The following FLT1 variants were observed in gnomAD, a reference collection of about 807,000 sequenced individuals.
FLT1 encodes the protein fms related receptor tyrosine kinase 1.
FLT1 carries 49 observed loss-of-function variants against 156.3 expected under a neutral mutation model. The ratio of observed to expected loss-of-function variants is 0.31; its 90% CI spans 0.25 to 0.40. The LOEUF (loss-of-function observed/expected upper bound fraction) is 0.40, where lower values mean the gene tolerates loss of function less well. FLT1 is among the 10% of genes least tolerant of loss of function. FLT1 has a pLI of 1.00. For synonymous variants in FLT1, 594 were observed against 583.8 expected (o/e 1.02, Z -0.25); for missense variants, 1,322 against 1,637.2 (o/e 0.81, Z 3.32).
At chr13:28,314,741 C>G (rs530107292) in intron 25 of FLT1, among the ~76,000 whole-genome samples, 1 of 152,166 alleles carries the variant, frequency 6.6e-6, no homozygotes, top group Non-Finnish European at 1.5e-5. Context: ...CTTTCACATG[C>G]TGGAGAAAAT....
chr13:28,318,559 G>A lies in FLT1; in HGVS notation c.3286+864C>T, dbSNP rs75138452. Reference sequence around the variant, plus strand: ...ACTGCTGGTAGGAAGCAGCTGGGAGGCGTGCAGTGCTGGCACCGTGTCATC... The same window carrying A: ...ACTGCTGGTAGGAAGCAGCTGGGAGACGTGCAGTGCTGGCACCGTGTCATC... On this transcript the variant is annotated intron_variant, in intron 24 of 29. Transcript: ENST00000282397. Among the ~76,000 whole-genome samples, 1,353 of 152,310 alleles carry A rather than the reference G, an allele frequency of 8.9e-3. 20 individuals are homozygous for A. The highest frequency in any genetic ancestry group is 0.029 in the African/African-American group (1,203 of 41,572).
At chr13:28,367,006 A>T (rs561674768) in intron 14 of FLT1, among the ~76,000 whole-genome samples, 38 of 152,356 alleles carry the variant, frequency 2.5e-4, no homozygotes, top group Non-Finnish European at 4.9e-4. Flanking sequence ...GACCACATAA[A>T]TGAAGACAAT....
At chr13:28,468,792 GC>G (rs1413096956) in intron 1 of FLT1, among the ~76,000 whole-genome samples, 1 of 152,196 alleles carries the variant, frequency 6.6e-6, no homozygotes, top group Non-Finnish European at 1.5e-5. Context: ...TGGAAGGCAA[GC>G]AGATGCTAGC....
chr13:28,303,152 G>T lies in FLT1; in HGVS notation c.*15C>A. 1 of 1,604,656 alleles carries T rather than the reference G, an allele frequency of 6.2e-7. No individual in the cohort carries two copies. The highest frequency in any genetic ancestry group is 8.5e-7 in the Non-Finnish European group (1 of 1,178,202). The stretch of plus-strand genomic sequence containing the variant: ...ATACACATGTGCTTCTAGAAATAAG[G>T]CTTCGTGTCAAACTCTAGATGGGTG... On this transcript the variant is annotated 3_prime_UTR_variant, in exon 30 of 30. Coordinates refer to ENST00000282397, the MANE Select transcript of FLT1 (RefSeq NM_002019.4).
chr13:28,440,981 T>G (rs577953174), intron 3 of FLT1, among the ~76,000 whole-genome samples: 2 of 152,170 alleles, frequency 1.3e-5, no homozygotes, highest in South Asian at 4.1e-4. Flanking sequence ...GTTATTAAAC[T>G]GTCTTTCTAA....
At chr13:28,317,164 C>T (rs1417059145) in intron 25 of FLT1, among the ~76,000 whole-genome samples, 1 of 152,212 alleles carries the variant, frequency 6.6e-6, no homozygotes, top group African/African-American at 2.4e-5. Flanking sequence ...CAAGGTCTTG[C>T]ATTCAGTTCC....
intron 3 of FLT1, among the ~76,000 whole-genome samples, chr13:28,449,005 G>A (rs988711202): frequency 1.3e-5 from 2 of 152,170 alleles, no homozygotes; most frequent in African/African-American, 4.8e-5. Context: ...TCAAGGTTGG[G>A]TGCGATGGCT....
At chr13:28,473,988 T>C (rs949230451) in intron 1 of FLT1, among the ~76,000 whole-genome samples, 1 of 152,146 alleles carries the variant, frequency 6.6e-6, no homozygotes, top group African/African-American at 2.4e-5. Context: ...GAAAACATTA[T>C]GCTGGCCCAC....
In FLT1 at chr13:28,304,871, C is replaced by T. The variant is rs112840859; in HGVS notation, c.3816-1503G>A. Among the ~76,000 whole-genome samples the T allele has an allele frequency of 1.7e-3, 259 of 152,308 alleles. 3 individuals are homozygous for T. Among genetic ancestry groups the T allele is most frequent in the African/African-American group, 5.5e-3 (229 of 41,544 alleles). On this transcript the variant is annotated intron_variant, in intron 29 of 29. Transcript: ENST00000282397. ...TATTGTAGCATGCATGCATACTTCA[C>T]ACTTTTTATTGACAATATTATATTG...
At chr13:28,485,284 C>T (rs1258778471) in intron 1 of FLT1, among the ~76,000 whole-genome samples, 1 of 152,052 alleles carries the variant, frequency 6.6e-6, no homozygotes, top group African/African-American at 2.4e-5. Flanking sequence ...ATGATAAGAG[C>T]CCCAAGAAGC....
At chr13:28,426,055 A>G (rs1877321059) in intron 10 of FLT1, among the ~76,000 whole-genome samples, 1 of 152,286 alleles carries the variant, frequency 6.6e-6, no homozygotes, top group African/African-American at 2.4e-5. Context: ...GAATTGTGGG[A>G]AGAATCTAGA....
intron 14 of FLT1, among the ~76,000 whole-genome samples, chr13:28,376,660 C>A (rs896238580): frequency 6.6e-6 from 1 of 152,238 alleles, no homozygotes; most frequent in African/African-American, 2.4e-5. Flanking sequence ...ACTTATGTTA[C>A]TTCCTTACAG....
At chr13:28,474,290 T>C (rs1044863950) in intron 1 of FLT1, among the ~76,000 whole-genome samples, 10 of 151,992 alleles carry the variant, frequency 6.6e-5, no homozygotes, top group African/African-American at 2.4e-4. Context: ...ATCCTGTCTT[T>C]ACCAAAAATA....
chr13:28,324,177 A>T (rs1220017710), intron 20 of FLT1, among the ~76,000 whole-genome samples: 1 of 152,158 alleles, frequency 6.6e-6, no homozygotes, highest in East Asian at 1.9e-4. Context: ...TGACACTCTA[A>T]AACCTAGCAC....
chr13:28,329,008 C>T (rs1400510423), intron 19 of FLT1, among the ~76,000 whole-genome samples: 2 of 152,216 alleles, frequency 1.3e-5, no homozygotes, highest in Non-Finnish European at 2.9e-5. Context: ...TCTCTGCTAC[C>T]TCTGTTGAGA....
In FLT1 at chr13:28,439,701, C is replaced by G. The variant is rs928691767; in HGVS notation, c.389-1356G>C. Among the ~76,000 whole-genome samples, 1 of 152,276 alleles carries G rather than the reference C, an allele frequency of 6.6e-6. No homozygotes were observed. Among genetic ancestry groups the G allele is most frequent in the East Asian group, 1.9e-4 (1 of 5,174 alleles). ...GACAGACAGGGTGTGCAGACTCGCA[C>G]TATGTGCAGATGGAGGCAGAGACAG... On this transcript the variant is annotated intron_variant, in intron 3 of 29. Coordinates refer to ENST00000282397, the MANE Select transcript of FLT1 (RefSeq NM_002019.4). The surrounding 1 kb of genome is among the most constrained non-coding windows in gnomAD (Gnocchi z 4.1).
intron 3 of FLT1, among the ~76,000 whole-genome samples, chr13:28,454,915 G>A (rs1451730520): frequency 6.6e-6 from 1 of 152,048 alleles, no homozygotes; most frequent in East Asian, 1.9e-4. Flanking sequence ...ACCCCCAAAA[G>A]TGAAACACCT....
intron 14 of FLT1, among the ~76,000 whole-genome samples, chr13:28,363,804 G>T (rs974660483): frequency 2.0e-5 from 3 of 151,962 alleles, no homozygotes; most frequent in Admixed American, 1.3e-4. Context: ...GTAGAGACAG[G>T]GTTTCACCAT....
intron 6 of FLT1, 111 bp from the exon 7 acceptor site, chr13:28,431,421 A>G: frequency 3.8e-6 from 3 of 782,640 alleles, no homozygotes; most frequent in East Asian, 2.6e-5. Flanking sequence ...TCTGTTTTAT[A>G]CTAAGAATCA....
Sources: gnomAD v4.1 joint callset for allele counts (sites outside exome capture counted in the v4.1 genomes callset) on GRCh38, gnomAD v4.1.1 for gene constraint, Gnocchi (gnomAD v3.1) non-coding constraint, MANE v1.5 for transcripts, NCBI Gene and HGNC (gene_info 2026-07-23, HGNC 2026-07-21) for gene names.